MGST1: variants seen among roughly 807,000 people sequenced by gnomAD.
MGST1 encodes microsomal glutathione S-transferase 1.
Under a neutral mutation model 8.9 loss-of-function variants are expected in MGST1, and 5 were observed. The ratio of observed to expected loss-of-function variants is 0.56; its 90% CI spans 0.29 to 1.19. The LOEUF (loss-of-function observed/expected upper bound fraction) is 1.19. Ranked by LOEUF, MGST1 falls within the 50% of genes most tolerant of loss-of-function variation. MGST1 has a pLI of 0.08. For synonymous variants in MGST1, 54 were observed against 67.8 expected (o/e 0.80, Z 1.00); for missense variants, 182 against 187.4 (o/e 0.97, Z 0.17).
Position 16,401,773 on chromosome 12 carries a change from GTT to G in MGST1, n.778+18171_778+18172del. 6.2e-7 allele frequency: 1 copy of G among 1,600,566 alleles called. No individual in the cohort carries two copies. Among genetic ancestry groups the G allele is most frequent in the Non-Finnish European group, 8.6e-7 (1 of 1,167,640 alleles). On this transcript the variant is annotated intron_variant and non_coding_transcript_variant, in intron 1 of 1. Transcript: ENST00000359720. The surrounding 1 kb of genome is among the most constrained non-coding windows in gnomAD (Gnocchi z 4.3). ...ACGGCCTTTTCCACAGACTCAGCCAGTTTGCTGTGTCAAACTTTCTCATCTGC... is the reference window on the plus strand; with the variant it reads ...ACGGCCTTTTCCACAGACTCAGCCAGTGCTGTGTCAAACTTTCTCATCTGC...
At chr12:16,400,250 C>T in intron 1 of MGST1, 1 of 838,544 alleles carries the variant, frequency 1.2e-6, no homozygotes, top group East Asian at 2.4e-5. Flanking sequence ...AACATGATGG[C>T]ATTCTTGAGG....
In MGST1 at chr12:16,548,599, C is replaced by T. The variant is rs376743170; in HGVS notation, n.483-40929C>T. The T allele has an allele frequency of 1.3e-5, 2 of 152,080 alleles. No individual in the cohort carries two copies. The highest frequency in any genetic ancestry group is 3.9e-4 in the East Asian group (2 of 5,180). The allele number at this position is 152,080 out of a possible 1,614,324, so 9.4% of individuals were successfully genotyped here. A position where few individuals can be genotyped will look rare whatever the true frequency, so the allele number is the denominator to read the frequency against. ...CGCTGCTCAGAAATCAAAGCTCCAT[C>T]GGAGGTGTCCTACTGGAGGCATCAG... On this transcript the variant is annotated intron_variant and non_coding_transcript_variant, in intron 4 of 4. Transcript: ENST00000538857. The surrounding 1 kb of genome is among the most constrained non-coding windows in gnomAD (Gnocchi z 4.2).
intron 1 of MGST1, among the ~76,000 whole-genome samples, chr12:16,385,971 C>T (rs1363973890): frequency 1.3e-5 from 2 of 152,134 alleles, no homozygotes; most frequent in Non-Finnish European, 2.9e-5. Context: ...AGCACACTTG[C>T]CTAAAGAATC....
chr12:16,414,910 G>C (rs1419696710), intron 1 of MGST1, among the ~76,000 whole-genome samples: 1 of 152,134 alleles, frequency 6.6e-6, no homozygotes, highest in Non-Finnish European at 1.5e-5. Context: ...TGTAACCCCA[G>C]CTACTCGGGA....
chr12:16,401,717 G>T lies in MGST1; in HGVS notation n.778+18113G>T, dbSNP rs554744724. On this transcript the variant is annotated intron_variant and non_coding_transcript_variant, in intron 1 of 1. Coordinates refer to the MGST1 transcript ENST00000359720. The surrounding 1 kb of genome is among the most constrained non-coding windows in gnomAD (Gnocchi z 4.3). ...GGTAACACATTTCCACAGTAGAAGG[G>T]TCTGCCCCAGCAAGGTATTTTTTCT... 3.7e-6 allele frequency: 6 copies of T among 1,601,492 alleles called. No homozygotes were observed. The highest frequency in any genetic ancestry group is 2.2e-5 in the East Asian group (1 of 44,830).
intron 1 of MGST1, among the ~76,000 whole-genome samples, chr12:16,409,929 A>T (rs1212455978): frequency 1.3e-5 from 2 of 152,178 alleles, no homozygotes; most frequent in Non-Finnish European, 2.9e-5. Flanking sequence ...GATAACATAT[A>T]TTAACAAATT....
At chr12:16,589,789 C>T (rs968846785), downstream of MGST1, among the ~76,000 whole-genome samples, 4 of 151,958 alleles carry the variant, frequency 2.6e-5, no homozygotes, top group Admixed American at 6.6e-5. The surrounding 1 kb of genome is among the most constrained non-coding windows in gnomAD (Gnocchi z 4.2). Context: ...TCAATCTGGA[C>T]AAGAAAAGCA....
At chr12:16,545,903 T>C (rs1329245819) in intron 4 of MGST1, among the ~76,000 whole-genome samples, 1 of 144,634 alleles carries the variant, frequency 6.9e-6, no homozygotes, top group Non-Finnish European at 1.5e-5. Context: ...GAAAAAATAA[T>C]AGTGACAATA....
intron 1 of MGST1, among the ~76,000 whole-genome samples, chr12:16,351,272 C>T (rs1939448728): frequency 6.6e-6 from 1 of 152,110 alleles, no homozygotes; most frequent in African/African-American, 2.4e-5. Context: ...ATTACTTTAC[C>T]TACACTCTGA....
At chr12:16,450,839 CGTGTGTGTGTGTGTGTGT>C (rs66984063) in intron 4 of MGST1, among the ~76,000 whole-genome samples, 1 of 147,882 alleles carries the variant, frequency 6.8e-6, no homozygotes, top group Non-Finnish European at 1.5e-5. Flanking sequence ...ATATATATTC[CGTGTGTGTGTGTGTGTGT>C]GTGTGTGTGT....
chr12:16,394,135 T>G (rs181552412), intron 1 of MGST1, among the ~76,000 whole-genome samples: 1 of 152,360 alleles, frequency 6.6e-6, no homozygotes, highest in Admixed American at 6.5e-5. Context: ...TCCACAGAAG[T>G]GTGAGAGTTC....
intron 4 of MGST1, among the ~76,000 whole-genome samples, chr12:16,572,311 C>CTATG (rs1942839963): frequency 7.6e-6 from 1 of 132,022 alleles, no homozygotes; most frequent in African/African-American, 2.8e-5. Flanking sequence ...TAAACATTCT[C>CTATG]TATGTTTTCT....
intron 4 of MGST1, among the ~76,000 whole-genome samples, chr12:16,489,275 G>C (rs1941421665): frequency 6.6e-6 from 1 of 151,954 alleles, no homozygotes; most frequent in African/African-American, 2.4e-5. Context: ...TGGTACTAGG[G>C]TTTATGATTT....
intron 4 of MGST1, among the ~76,000 whole-genome samples, chr12:16,563,848 G>A (rs571428452): frequency 6.6e-6 from 1 of 152,208 alleles, no homozygotes; most frequent in Admixed American, 6.5e-5. Context: ...AAAAAAATAA[G>A]CTCATTGATC....
intron 1 of MGST1, chr12:16,349,141 C>T (rs750517406): frequency 6.6e-6 from 1 of 152,108 alleles, no homozygotes; most frequent in Admixed American, 6.5e-5. Context: ...TATCTTTTTT[C>T]TTTATCTCAT....
At chr12:16,348,695 C>G (rs1190821013) in intron 1 of MGST1, among the ~76,000 whole-genome samples, 1 of 151,902 alleles carries the variant, frequency 6.6e-6, no homozygotes, top group Non-Finnish European at 1.5e-5. Flanking sequence ...CCAGCCTACA[C>G]CTACCTTTTG....
rs1591703875 is a variant in MGST1, at chr12:16,363,408, G to A, written c.222-387G>A. The A allele has an allele frequency of 6.6e-6, 1 of 152,508 alleles. No individual in the cohort carries two copies. The highest frequency in any genetic ancestry group is 2.4e-5 in the African/African-American group (1 of 41,482). 9.4% of individuals were successfully genotyped at this position (152,508 alleles called of 1,614,324 possible). A position where few individuals can be genotyped will look rare whatever the true frequency, so the allele number is the denominator to read the frequency against. Reference sequence around the variant, plus strand: ...CTTAAGAAAAATCAACACCAAAAGGGTTTTCTTCCTTCGGGAGAAAGAATT... The same window carrying A: ...CTTAAGAAAAATCAACACCAAAAGGATTTTCTTCCTTCGGGAGAAAGAATT... On this transcript the variant is annotated intron_variant, in intron 3 of 3. Coordinates refer to ENST00000396210, the MANE Select transcript of MGST1 (RefSeq NM_020300.5). The surrounding 1 kb of genome is among the most constrained non-coding windows in gnomAD (Gnocchi z 4.6).
downstream of MGST1, among the ~76,000 whole-genome samples, chr12:16,380,320 C>T (rs1386693942): frequency 6.6e-6 from 1 of 152,140 alleles, no homozygotes; most frequent in East Asian, 1.9e-4. Flanking sequence ...TGAATGTGTG[C>T]CAGAGATTCT....
rs954839943 is a variant in MGST1, at chr12:16,517,389, T to C, written n.483-72139T>C. Among the ~76,000 whole-genome samples, 2 of 152,132 alleles carry C rather than the reference T, an allele frequency of 1.3e-5. No individual in the cohort carries two copies. Among genetic ancestry groups the C allele is most frequent in the Admixed American group, 6.5e-5 (1 of 15,280 alleles). On this transcript the variant is annotated intron_variant and non_coding_transcript_variant, in intron 4 of 4. Coordinates refer to the MGST1 transcript ENST00000538857. The surrounding 1 kb of genome is among the most constrained non-coding windows in gnomAD (Gnocchi z 4.2). Reference sequence around the variant, plus strand: ...GAGTGAATTTGTTATAAAAGTAAGTTTGGCTTCCTCTTGTTCTTTCTTTTG... The same window carrying C: ...GAGTGAATTTGTTATAAAAGTAAGTCTGGCTTCCTCTTGTTCTTTCTTTTG...
Sources: gnomAD v4.1 joint callset for allele counts (sites outside exome capture counted in the v4.1 genomes callset) on GRCh38, gnomAD v4.1.1 for gene constraint, Gnocchi (gnomAD v3.1) non-coding constraint, MANE v1.5 for transcripts, NCBI Gene and HGNC (gene_info 2026-07-23, HGNC 2026-07-21) for gene names.